SP100: variants seen among roughly 807,000 people sequenced by gnomAD.
SP100 encodes nuclear autoantigen Sp-100.
A neutral mutation model predicts 130.0 loss-of-function variants in SP100; 84 were observed. That is an observed-to-expected ratio of 0.65 (90% CI 0.54 to 0.77). SP100 has a LOEUF of 0.77. SP100 is among the 30% of genes least tolerant of loss of function. The pLI is 0.00. For missense variants in SP100, 978 were observed against 1,052.2 expected (o/e 0.93, Z 0.97); for synonymous variants, 331 against 351.7 (o/e 0.94, Z 0.66).
At chr2:230,512,883 T>C (rs1690700224) in intron 24 of SP100, among the ~76,000 whole-genome samples, 1 of 152,080 alleles carries the variant, frequency 6.6e-6, no homozygotes, top group African/African-American at 2.4e-5. Flanking sequence ...CAGAGACAGA[T>C]CATGAGGCAT....
intron 23 of SP100, chr2:230,510,395 G>A (rs1690482976): frequency 6.6e-6 from 1 of 151,818 alleles, no homozygotes; most frequent in African/African-American, 2.5e-5. Flanking sequence ...CAAGACTCTG[G>A]GCCCTGTGGT....
At chr2:230,474,577 T>C (rs1441926303) in intron 17 of SP100, 130 bp downstream of exon 17, 2 of 591,040 alleles carry the variant, frequency 3.4e-6, no homozygotes, top group Admixed American at 3.2e-5. Context: ...GCAGGTTTGT[T>C]ACATGGGTAA....
At position 230,444,170 on chromosome 2, in the gene SP100, T is replaced by A; in HGVS notation, c.271-8T>A. 6.4e-7 allele frequency: 1 copy of A among 1,553,306 alleles called. No individual in the cohort carries two copies. ...TATTTATATTTTCTCCATTCAATAT[T>A]TTTTAAGGATTCTCAAGATTCTTGT... On this transcript the variant is annotated splice_region_variant and splice_polypyrimidine_tract_variant and intron_variant, in intron 3 of 28. Transcript: ENST00000340126.
intron 26 of SP100, 45 bp from the exon 27 acceptor site, chr2:230,541,254 TTC>T (rs1205921959): frequency 1.3e-6 from 2 of 1,563,938 alleles, no homozygotes; most frequent in African/African-American, 1.4e-5. Context: ...TATGAGCTCT[TTC>T]TCTCTAAATT....
intron 23 of SP100, chr2:230,508,952 C>CACACACACACACAT (rs1690367080): frequency 7.9e-6 from 1 of 126,984 alleles, no homozygotes; most frequent in Non-Finnish European, 1.6e-5. Context: ...CACACATACA[C>CACACACACACACAT]ACACACACAC....
At chr2:230,510,846 G>T in intron 23 of SP100, 2 of 478,738 alleles carry the variant, frequency 4.2e-6, no homozygotes, top group East Asian at 8.1e-5. Flanking sequence ...TAGGAGGACC[G>T]ATAGAGTTGC....
At chr2:230,532,064 T>A (rs1691724969) in intron 24 of SP100, among the ~76,000 whole-genome samples, 1 of 152,176 alleles carries the variant, frequency 6.6e-6, no homozygotes, top group Non-Finnish European at 1.5e-5. Context: ...CCTATGTGTT[T>A]CCAACAATTC....
intron 2 of SP100, 55 bp from the exon 3 acceptor site, chr2:230,442,882 C>G (rs2063525834): frequency 6.6e-7 from 1 of 1,503,856 alleles, no homozygotes; most frequent in Admixed American, 1.8e-5. Flanking sequence ...TTACAGCCTC[C>G]ACAAACATCT....
chr2:230,537,407 G>A lies in SP100; in HGVS notation c.2095-1860G>A, dbSNP rs955462918. Among the ~76,000 whole-genome samples the A allele has an allele frequency of 4.6e-5, 7 of 152,238 alleles. No individual in the cohort carries two copies. In the East Asian group the frequency reaches 1.2e-3, roughly 25 times the overall value. ...ACACTGTTTCTGTTTCTTTGCTGGA[G>A]GTGAGACCCTTCAGTAGTCAAACAG... On this transcript the variant is annotated intron_variant, in intron 24 of 28. Coordinates refer to ENST00000340126, the MANE Select transcript of SP100 (RefSeq NM_001080391.2).
chr2:230,529,878 T>A (rs1691614702), intron 24 of SP100, among the ~76,000 whole-genome samples: 1 of 152,166 alleles, frequency 6.6e-6, no homozygotes, highest in African/African-American at 2.4e-5. Context: ...GCAAGGGATG[T>A]GAAGGACCTC....
chr2:230,430,347 C>T (rs2063060183), intron 2 of SP100, among the ~76,000 whole-genome samples: 1 of 152,206 alleles, frequency 6.6e-6, no homozygotes, highest in African/African-American at 2.4e-5. Context: ...CCTTAAGCTA[C>T]TGTTAGGTAT....
At chr2:230,475,505 G>A (rs553146580) in intron 17 of SP100, among the ~76,000 whole-genome samples, 4 of 152,030 alleles carry the variant, frequency 2.6e-5, no homozygotes, top group Admixed American at 2.0e-4. Context: ...TACTCTTTTG[G>A]TAATTTCTTT....
In SP100 at chr2:230,532,217, GA is replaced by G. The variant is rs1276583155; in HGVS notation, c.2095-7043del. On this transcript the variant is annotated intron_variant, in intron 24 of 28. Coordinates refer to ENST00000340126, the MANE Select transcript of SP100 (RefSeq NM_001080391.2). ...AGCTGTAAGAGCTTTACGGTTCCTA[GA>G]AAAAAATAAATAAATAAAAGACATA... 2.1e-4 allele frequency among the ~76,000 whole-genome samples: 31 copies of G among 145,772 alleles called. 2 individuals carry two copies. The East Asian group carries it at 6.1e-3, about 29-fold the overall frequency.
chr2:230,470,950 A>G (rs968065516), intron 15 of SP100, among the ~76,000 whole-genome samples: 2 of 86,168 alleles, frequency 2.3e-5, no homozygotes, highest in South Asian at 5.9e-4. Context: ...ACATGTATAC[A>G]TACATAAACA....
intron 24 of SP100, among the ~76,000 whole-genome samples, chr2:230,513,853 CA>C (rs1339636306): frequency 6.6e-6 from 1 of 152,100 alleles, no homozygotes; most frequent in African/African-American, 2.4e-5. Flanking sequence ...TAGGTTGAGG[CA>C]AAAAAGTAGT....
chr2:230,505,755 T>C (rs1204267709), intron 21 of SP100, among the ~76,000 whole-genome samples: 3 of 152,186 alleles, frequency 2.0e-5, no homozygotes, highest in African/African-American at 7.2e-5. Flanking sequence ...TATATAACAT[T>C]TCCATAATTA....
At chr2:230,434,093 C>T (rs1041985584) in intron 2 of SP100, among the ~76,000 whole-genome samples, 5 of 151,616 alleles carry the variant, frequency 3.3e-5, no homozygotes, top group Admixed American at 6.6e-5. Flanking sequence ...GGTTCCATGC[C>T]TTCCCTAACA....
chr2:230,541,230 T>C, intron 26 of SP100, 71 bp from the exon 27 acceptor site: 1 of 1,443,144 alleles, frequency 6.9e-7, no homozygotes, highest in Admixed American at 1.8e-5. Flanking sequence ...TCGTGTGTTC[T>C]CTTTGGGCAA....
intron 2 of SP100, among the ~76,000 whole-genome samples, chr2:230,436,092 T>C (rs1005625578): frequency 9.2e-5 from 14 of 152,232 alleles, no homozygotes; most frequent in Admixed American, 8.5e-4. Context: ...TTAAAACTAC[T>C]ACCTTTTTTG....
Sources: gnomAD v4.1 joint callset for allele counts (sites outside exome capture counted in the v4.1 genomes callset) on GRCh38, gnomAD v4.1.1 for gene constraint, MANE v1.5 for transcripts, NCBI Gene and HGNC (gene_info 2026-07-23, HGNC 2026-07-21) for gene names.